The following EIF3B variants were observed in gnomAD, a reference collection of about 807,000 sequenced individuals.
EIF3B encodes the protein eukaryotic translation initiation factor 3 subunit 9.
In EIF3B, 10 loss-of-function variants were observed where a neutral mutation model predicts 104.6. That is an observed-to-expected ratio of 0.10 (90% CI 0.06 to 0.16). The LOEUF (loss-of-function observed/expected upper bound fraction) is 0.16, where lower values mean the gene tolerates loss of function less well. Ranked by LOEUF, EIF3B falls within the 10% of genes least tolerant of loss-of-function variation. EIF3B has a pLI of 1.00. For synonymous variants in EIF3B, 542 were observed against 417.2 expected, an observed-to-expected ratio of 1.30 and a Z score of -3.65; for missense variants, 1,014 against 1,087.9, an observed-to-expected ratio of 0.93 and a Z score of 0.96.
chr7:2,365,396 C>G (rs555654249), intron 6 of EIF3B, among the ~76,000 whole-genome samples: 1 of 152,128 alleles, frequency 6.6e-6, no homozygotes, highest in Non-Finnish European at 1.5e-5. Context: ...GGGGGCCACT[C>G]TAGGGAAAGG....
chr7:2,361,670 C>T (rs549453204), intron 2 of EIF3B, among the ~76,000 whole-genome samples: 12 of 152,284 alleles, frequency 7.9e-5, no homozygotes, highest in East Asian at 5.8e-4. Flanking sequence ...CCACCCGCCT[C>T]GGCCTCCCAA....
intron 6 of EIF3B, among the ~76,000 whole-genome samples, chr7:2,365,553 C>G (rs760668977): frequency 5.9e-5 from 9 of 152,092 alleles, no homozygotes; most frequent in Non-Finnish European, 5.9e-5. Context: ...TAGCTCCAGA[C>G]AAGCCAGCAG....
chr7:2,366,791 G>A, intron 8 of EIF3B, 200 bp downstream of exon 8: 1 of 800,396 alleles, frequency 1.2e-6, no homozygotes, highest in Non-Finnish European at 2.0e-6. Flanking sequence ...GCAGCCGTGG[G>A]AAGTCCTGGA....
Position 2,364,449 on chromosome 7 carries a change from A to G in EIF3B, c.1077A>G (p.Leu359=). The G allele has an allele frequency of 6.2e-7, 1 of 1,613,348 alleles. No individual in the cohort carries two copies. The highest frequency in any genetic ancestry group is 8.5e-7 in the Non-Finnish European group (1 of 1,179,672). ...LATFHQRGIA[L]WGGEKFKQIQ... ...CCTTTCATCAAAGAGGCATTGCTCT[A>G]TGGGGGGGAGAGAAATTCAAGCAAA... The change falls in exon 6 of 19, where the codon CTA becomes CTG. Residue 359 remains leucine (L), a synonymous_variant. Coordinates refer to ENST00000360876, the MANE Select transcript of EIF3B (RefSeq NM_001037283.2).
chr7:2,378,575 A>T (rs1562494181), intron 15 of EIF3B, 114 bp from the exon 16 acceptor site: 1 of 869,428 alleles, frequency 1.2e-6, no homozygotes, highest in South Asian at 1.5e-5. Context: ...CGCTCCTGGG[A>T]AGCTGTGTTC....
intron 11 of EIF3B, 194 bp downstream of exon 11, chr7:2,372,043 A>C: frequency 1.8e-6 from 1 of 559,276 alleles, no homozygotes; most frequent in East Asian, 3.0e-5. Context: ...CTGTACAAAA[A>C]ACAAATAAAA....
intron 18 of EIF3B, chr7:2,379,953 C>T: frequency 3.9e-6 from 1 of 255,868 alleles, no homozygotes; most frequent in East Asian, 1.1e-4. Flanking sequence ...GCTCCTGAGT[C>T]CTGGGGGCCT....
intron 3 of EIF3B, 123 bp downstream of exon 3, chr7:2,362,887 C>T: frequency 6.7e-7 from 1 of 1,502,624 alleles, no homozygotes; most frequent in African/African-American, 1.4e-5. Flanking sequence ...TCTGGTCAGG[C>T]TGCCGCAGAG....
At chr7:2,375,268 T>G in intron 13 of EIF3B, 121 bp from the exon 14 acceptor site, 2 of 1,292,750 alleles carry the variant, frequency 1.5e-6, no homozygotes, top group Non-Finnish European at 2.2e-6. Flanking sequence ...TTGCTGTGCT[T>G]GTTTCCATGT....
chr7:2,355,071 C>T lies in EIF3B; in HGVS notation c.150C>T (p.Ala50=), dbSNP rs1248317640. 6.3e-6 allele frequency: 8 copies of T among 1,271,438 alleles called. No individual in the cohort carries two copies. The highest frequency in any genetic ancestry group is 1.6e-5 in the African/African-American group (1 of 63,970). 78.8% of individuals were successfully genotyped at this position (1,271,438 alleles called of 1,614,324 possible). The change falls in exon 1 of 19, where the codon GCC becomes GCT. Residue 50 remains alanine (A), a synonymous_variant. Coordinates refer to ENST00000360876, the MANE Select transcript of EIF3B (RefSeq NM_001037283.2). ...CTCCGGAGGCCGCGGGGACCGAGGC[C>T]TCCAGTGAGGAGGTGGGGATCGCGG... The part of the protein sequence containing the change: ...PGAPEAAGTE[A]SSEEVGIAEA...
intron 1 of EIF3B, among the ~76,000 whole-genome samples, chr7:2,357,178 T>G (rs1221676457): frequency 6.6e-6 from 1 of 152,226 alleles, no homozygotes; most frequent in African/African-American, 2.4e-5. Flanking sequence ...AGATTTCTAA[T>G]ACGTAGATTA....
intron 10 of EIF3B, among the ~76,000 whole-genome samples, chr7:2,370,789 A>G (rs1181226422): frequency 2.0e-5 from 3 of 151,570 alleles, no homozygotes; most frequent in Non-Finnish European, 2.9e-5. Flanking sequence ...AAAAGATAGG[A>G]AAAAGGCCGG....
chr7:2,372,864 A>G (rs1583174509), intron 12 of EIF3B, 69 bp downstream of exon 12: 8 of 1,557,660 alleles, frequency 5.1e-6, no homozygotes, highest in Non-Finnish European at 7.0e-6. Flanking sequence ...GCTGCCCAAC[A>G]GTGAGCATTT....
chr7:2,366,471 C>CTA lies in EIF3B; in HGVS notation c.1289+24_1289+25insAT, dbSNP rs780659010. On this transcript the variant is annotated intron_variant, in intron 7 of 18. Coordinates refer to ENST00000360876, the MANE Select transcript of EIF3B (RefSeq NM_001037283.2). ...TAAGTAAGTGGACCATTGTAACGAG[C>CTA]TCTGTAGCCTTTGTCTTTTCATGGG... 11 of 1,614,014 alleles carry CTA rather than the reference C, an allele frequency of 6.8e-6. No individual in the cohort carries two copies. The East Asian group carries it at 1.3e-4, about 20-fold the overall frequency.
chr7:2,378,708 A>AG lies in EIF3B; in HGVS notation c.2175dup (p.Lys726GlufsTer4). ...TTTCAGCAAATTAAAAAGGATCTGA[A>AG]GAAATACTCTAAGATCTTTGAACAG... On this transcript the variant is annotated frameshift_variant, in exon 16 of 19. Coordinates refer to ENST00000360876, the MANE Select transcript of EIF3B (RefSeq NM_001037283.2). LOFTEE classifies it high-confidence loss of function. The AG allele has an allele frequency of 6.2e-7, 1 of 1,614,028 alleles. No homozygotes were observed. Among genetic ancestry groups the AG allele is most frequent in the Non-Finnish European group, 8.5e-7 (1 of 1,179,908 alleles).
In EIF3B at chr7:2,380,433, G is replaced by C. The variant is rs1282229966; in HGVS notation, c.*244G>C. 1.9e-6 allele frequency: 1 copy of C among 515,792 alleles called. No individual in the cohort carries two copies. Among genetic ancestry groups the C allele is most frequent in the East Asian group, 5.5e-5 (1 of 18,314 alleles). 32.0% of individuals were successfully genotyped at this position (515,792 alleles called of 1,614,324 possible). ...CTTTCAGCCCCTGGTGTCTGCAGTGGGGGATTTAAGGCACCCGCTTCCACT... is the reference window on the plus strand; with the variant it reads ...CTTTCAGCCCCTGGTGTCTGCAGTGCGGGATTTAAGGCACCCGCTTCCACT... On this transcript the variant is annotated 3_prime_UTR_variant, in exon 19 of 19. Transcript: ENST00000360876.
rs1780655499 is a variant in EIF3B at position 2,376,802 on chromosome 7, A to G, written c.2029-148A>G. ...TGGAGGTGTCTTGCATTGACTGCCC[A>G]CCTACCCTGCTGTCAGCTCAGCACA... On this transcript the variant is annotated intron_variant, in intron 14 of 18. Coordinates refer to ENST00000360876, the MANE Select transcript of EIF3B (RefSeq NM_001037283.2). 2.5e-6 allele frequency: 3 copies of G among 1,218,228 alleles called. No homozygotes were observed. The African/African-American group carries it at 4.6e-5, about 19-fold the overall frequency. 75.5% of individuals were successfully genotyped at this position (1,218,228 alleles called of 1,614,324 possible). A position where few individuals can be genotyped will look rare whatever the true frequency, so the allele number is the denominator to read the frequency against.
At chr7:2,367,223 G>A (rs780564764) in intron 9 of EIF3B, 178 bp downstream of exon 9, 11 of 577,410 alleles carry the variant, frequency 1.9e-5, no homozygotes, top group Admixed American at 1.3e-4. Context: ...GTCTGGTGAC[G>A]GCCCACCTCC....
intron 14 of EIF3B, chr7:2,376,607 A>C (rs1452092335): frequency 4.2e-6 from 1 of 240,026 alleles, no homozygotes; most frequent in East Asian, 1.1e-4. Flanking sequence ...TACGTTTGGC[A>C]CAGGGTTCAG....
Sources: gnomAD v4.1 joint callset for allele counts (sites outside exome capture counted in the v4.1 genomes callset) on GRCh38, gnomAD v4.1.1 for gene constraint, MANE v1.5 for transcripts, NCBI Gene and HGNC (gene_info 2026-07-23, HGNC 2026-07-21) for gene names.